The following CDH23 variants were observed in gnomAD, a reference collection of about 807,000 sequenced individuals.
The protein encoded by CDH23 is cadherin related 23, also known as cadherin-23.
In CDH23, 189 loss-of-function variants were observed where a neutral mutation model predicts 317.1. The observed-to-expected ratio is 0.60, with a 90% CI of 0.53 to 0.67. CDH23 has a LOEUF of 0.67. Among genes scored for constraint, CDH23 ranks in the 30% least tolerant of loss-of-function variants. CDH23 has a pLI of 0.00. For missense variants in CDH23, 4,401 were observed against 4,592.4 expected (o/e 0.96, Z 1.20); for synonymous variants, 1,839 against 1,876.8 (o/e 0.98, Z 0.52).
chr10:71,810,717 G>C lies in CDH23; in HGVS notation c.9077+148G>C, dbSNP rs1841889643. 4.2e-6 allele frequency: 3 copies of C among 721,498 alleles called. No individual in the cohort carries two copies. The Admixed American group carries it at 7.4e-5, about 18-fold the overall frequency. 44.7% of individuals were successfully genotyped at this position (721,498 alleles called of 1,614,324 possible). A position where few individuals can be genotyped will look rare whatever the true frequency, so the allele number is the denominator to read the frequency against. On this transcript the variant is annotated intron_variant, in intron 62 of 69. Coordinates refer to ENST00000224721, the MANE Select transcript of CDH23 (RefSeq NM_022124.6). The stretch of plus-strand genomic sequence containing the variant: ...CATCTCCCAGACTGGGGCAGGGCTA[G>C]GAGAGAGAGCAGAGTTTGGGGGTAT...
At position 71,571,818 on chromosome 10, in the gene CDH23, G is replaced by T. The variant is rs529535655; in HGVS notation, c.753+900G>T. On this transcript the variant is annotated intron_variant, in intron 8 of 69. Transcript: ENST00000224721. ...TGCTTAAAGGAAGGACTCAGCTTTG[G>T]GAGCAAAGTGGGGCACCCGCCTAAG... Among the ~76,000 whole-genome samples, 4 of 152,338 alleles carry T rather than the reference G, an allele frequency of 2.6e-5. No individual in the cohort carries two copies. The East Asian group carries it at 7.7e-4, about 29-fold the overall frequency.
In CDH23 at chr10:71,628,797, C is replaced by A. The variant is rs373554300; in HGVS notation, c.1134+11404C>A. On this transcript the variant is annotated intron_variant, in intron 11 of 69. Coordinates refer to ENST00000224721, the MANE Select transcript of CDH23 (RefSeq NM_022124.6). ...ACAGGTGTGAACCACCACATCCGGC[C>A]TGAGATAAAATTTTCAGCATCGAAG... Among the ~76,000 whole-genome samples, 112 of 152,336 alleles carry A rather than the reference C, an allele frequency of 7.4e-4. 2 individuals are homozygous for A. Among genetic ancestry groups the A allele is most frequent in the African/African-American group, 2.6e-3 (107 of 41,574 alleles).
chr10:71,421,807 T>C (rs908880431), intron 1 of CDH23, among the ~76,000 whole-genome samples: 8 of 151,596 alleles, frequency 5.3e-5, no homozygotes, highest in Admixed American at 4.6e-4. Context: ...AAGAGGCTGG[T>C]GTGGTGGATT....
intron 55 of CDH23, among the ~76,000 whole-genome samples, chr10:71,805,238 T>G (rs549397669): frequency 2.9e-4 from 44 of 152,306 alleles, no homozygotes; most frequent in Non-Finnish European, 4.9e-4. Flanking sequence ...CTCAGGGAAG[T>G]GAGGTGGCAA....
At chr10:71,726,397 G>A (rs1373509940) in intron 30 of CDH23, among the ~76,000 whole-genome samples, 1 of 152,176 alleles carries the variant, frequency 6.6e-6, no homozygotes, top group Non-Finnish European at 1.5e-5. Context: ...GGTGGTCACC[G>A]GGTACTCACG....
rs368825395 is a variant in CDH23 at position 71,730,522 on chromosome 10, G to T, written c.3633G>T (p.Gln1211His). The stretch of plus-strand genomic sequence containing the variant: ...ATGAGGCCCCCGTGTTCACACAGCA[G>T]CAGTACAGCCGTCTGGGGCTTCGAG... ...INDEAPVFTQ[Q>H]QYSRLGLRET... The change falls in exon 31 of 70, where the codon CAG (glutamine) becomes CAT (histidine). Residue 1211 changes from glutamine to histidine, a missense_variant. This residue lies in a region of CDH23 where 3,068 missense variants were observed against 3,203.3 expected (regional missense o/e 0.96). Coordinates refer to ENST00000224721, the MANE Select transcript of CDH23 (RefSeq NM_022124.6). 1.5e-5 allele frequency: 24 copies of T among 1,613,864 alleles called. No individual in the cohort carries two copies. In the African/African-American group the frequency reaches 3.2e-4, roughly 22 times the overall value.
At position 71,397,237 on chromosome 10, in the gene CDH23, C is replaced by G; in HGVS notation, c.-87C>G. The G allele has an allele frequency of 4.7e-6, 1 of 211,716 alleles. No homozygotes were observed. The highest frequency in any genetic ancestry group is 9.4e-6 in the Non-Finnish European group (1 of 105,838). The allele number at this position is 211,716 out of a possible 1,614,324, so 13.1% of individuals were successfully genotyped here. Reference sequence around the variant, plus strand: ...GACGCGGCGGTGGCCAGGGCCAGAGCAGGCGGCCCGCGGGGGCCGATCCGG... The same window carrying G: ...GACGCGGCGGTGGCCAGGGCCAGAGGAGGCGGCCCGCGGGGGCCGATCCGG... On this transcript the variant is annotated 5_prime_UTR_variant, in exon 1 of 70. Coordinates refer to ENST00000224721, the MANE Select transcript of CDH23 (RefSeq NM_022124.6). The surrounding 1 kb of genome is among the most constrained non-coding windows in gnomAD (Gnocchi z 4.8).
chr10:71,615,268 G>A (rs532432956), intron 9 of CDH23, among the ~76,000 whole-genome samples: 1 of 152,338 alleles, frequency 6.6e-6, no homozygotes, highest in Non-Finnish European at 1.5e-5. Flanking sequence ...ACAGAGACCA[G>A]AAGGAGATTG....
In CDH23 at chr10:71,791,199, G is replaced by T; in HGVS notation, c.6117G>T (p.Leu2039=). Residue 2039 remains leucine, a synonymous_variant, in exon 47 of 70, where the codon CTG becomes CTT. Coordinates refer to ENST00000224721, the MANE Select transcript of CDH23 (RefSeq NM_022124.6). The stretch of plus-strand genomic sequence containing the variant: ...CATTCTCGCCACCCATCCTGGAGCT[G>T]CTGCTGCTGGCTGAGGACATCGGGC... ...REAFSPPILE[L]LLLAEDIGLL... 6.2e-7 allele frequency: 1 copy of T among 1,613,438 alleles called. No homozygotes were observed. Among genetic ancestry groups the T allele is most frequent in the Non-Finnish European group, 8.5e-7 (1 of 1,179,696 alleles).
intron 1 of CDH23, among the ~76,000 whole-genome samples, chr10:71,405,414 G>T (rs926429790): frequency 6.6e-6 from 1 of 151,252 alleles, no homozygotes; most frequent in Non-Finnish European, 1.5e-5. Flanking sequence ...CTTAGAGGGT[G>T]AGGCATGGGT....
chr10:71,806,269 C>A lies in CDH23; in HGVS notation c.8166C>A (p.Phe2722Leu). ...ACATCGATGACAACGAACCCCTTTT[C>A]GTGAGGCCTCCAGTGAGCTTGCCCA... ...LEDIDDNEPL[F>L]VRPPKGSPQY... is the part of the protein sequence containing the mutation. The change falls in exon 57 of 70, where the codon TTC becomes TTA. Residue 2722 changes from phenylalanine to leucine, a missense_variant. Coordinates refer to ENST00000224721, the MANE Select transcript of CDH23 (RefSeq NM_022124.6). 6.4e-7 allele frequency: 1 copy of A among 1,558,120 alleles called. No homozygotes were observed. Among genetic ancestry groups the A allele is most frequent in the South Asian group, 1.2e-5 (1 of 84,556 alleles).
chr10:71,398,343 G>A (rs938885281), intron 1 of CDH23, among the ~76,000 whole-genome samples: 8 of 152,016 alleles, frequency 5.3e-5, no homozygotes, highest in African/African-American at 1.9e-4. Context: ...ACCAGAGCTG[G>A]CATTGACATT....
chr10:71,711,279 A>C (rs1274376121), intron 27 of CDH23, among the ~76,000 whole-genome samples: 1 of 151,904 alleles, frequency 6.6e-6, no homozygotes, highest in East Asian at 1.9e-4. Flanking sequence ...CAATAAGCCA[A>C]CCCCCAAGGG....
chr10:71,725,475 G>A lies in CDH23; in HGVS notation c.3534G>A (p.Val1178=), dbSNP rs763647586. 1 of 1,613,958 alleles carries A rather than the reference G, an allele frequency of 6.2e-7. No individual in the cohort carries two copies. Among genetic ancestry groups the A allele is most frequent in the South Asian group, 1.1e-5 (1 of 91,066 alleles). Residue 1178 remains valine, a synonymous_variant, in exon 30 of 70, where the codon GTG becomes GTA. Transcript: ENST00000224721. ...RERNSSHVLI[V]EAYNHDLGPM... Reference sequence around the variant, plus strand: ...GGAACTCATCCCACGTGCTGATAGTGGAGGCCTACAACCACGACCTGGGCC... The same window carrying A: ...GGAACTCATCCCACGTGCTGATAGTAGAGGCCTACAACCACGACCTGGGCC...
intron 1 of CDH23, among the ~76,000 whole-genome samples, chr10:71,426,508 G>C (rs1849085188): frequency 6.6e-6 from 1 of 152,116 alleles, no homozygotes; most frequent in African/African-American, 2.4e-5. Flanking sequence ...TGAGGCAGGA[G>C]GGGGCTAGGT....
chr10:71,530,069 A>ACACACACACACT (rs1260256322), intron 6 of CDH23, among the ~76,000 whole-genome samples: 8 of 145,014 alleles, frequency 5.5e-5, no homozygotes, highest in African/African-American at 1.3e-4. Context: ...ACACACACAC[A>ACACACACACACT]CTCTCCCCAG....
At chr10:71,715,916 G>T in intron 28 of CDH23, 2 of 1,447,056 alleles carry the variant, frequency 1.4e-6, no homozygotes, top group South Asian at 1.5e-5. Context: ...GGATGTGGGG[G>T]CATGTTTGTG....
At chr10:71,510,316 C>G (rs1221165238) in intron 4 of CDH23, 92 bp downstream of exon 4, 2 of 1,404,290 alleles carry the variant, frequency 1.4e-6, no homozygotes, top group Non-Finnish European at 2.0e-6. Flanking sequence ...TGGCGTCTTC[C>G]TCTAAGACCC....
chr10:71,592,250 T>C (rs998103426), intron 9 of CDH23, among the ~76,000 whole-genome samples: 2 of 152,204 alleles, frequency 1.3e-5, no homozygotes, highest in African/African-American at 2.4e-5. Context: ...CTCCTCAGCA[T>C]TGGATCTCCT....
Sources: gnomAD v4.1 joint callset for allele counts (sites outside exome capture counted in the v4.1 genomes callset) on GRCh38, gnomAD v4.1.1 for gene constraint, gnomAD v4.1.1 regional missense constraint, Gnocchi (gnomAD v3.1) non-coding constraint, MANE v1.5 for transcripts, NCBI Gene and HGNC (gene_info 2026-07-23, HGNC 2026-07-21) for gene names.